CNTNAP2: variants seen among roughly 807,000 people sequenced by gnomAD.
CNTNAP2 encodes the protein contactin-associated protein-like 2.
CNTNAP2 carries 98 observed loss-of-function variants against 155.2 expected under a neutral mutation model. The ratio of observed to expected loss-of-function variants is 0.63; its 90% confidence interval spans 0.54 to 0.75. The LOEUF is 0.75. Among genes scored for constraint, CNTNAP2 ranks in the 30% least tolerant of loss-of-function variants. The pLI is 0.00. For synonymous variants in CNTNAP2, 651 were observed against 631.2 expected (o/e 1.03, Z -0.47); for missense variants, 1,727 against 1,688.1 (o/e 1.02, Z -0.40).
At chr7:147,368,958 A>G (rs1796292618) in intron 9 of CNTNAP2, among the ~76,000 whole-genome samples, 1 of 152,228 alleles carries the variant, frequency 6.6e-6, no homozygotes, top group Non-Finnish European at 1.5e-5. Context: ...ATACATTAAA[A>G]TGCAAAACTT....
At chr7:148,294,921 T>C (rs1797255279) in intron 21 of CNTNAP2, among the ~76,000 whole-genome samples, 1 of 152,144 alleles carries the variant, frequency 6.6e-6, no homozygotes, top group African/African-American at 2.4e-5. Context: ...CAACCAGCAT[T>C]TATTTTGCAT....
intron 2 of CNTNAP2, among the ~76,000 whole-genome samples, chr7:146,834,326 C>G (rs1803574752): frequency 6.6e-6 from 1 of 152,160 alleles, no homozygotes; most frequent in South Asian, 2.1e-4. Flanking sequence ...TTCAGATTCT[C>G]TATTGTAATG....
intron 1 of CNTNAP2, among the ~76,000 whole-genome samples, chr7:146,380,724 A>G (rs1205875779): frequency 2.0e-5 from 3 of 150,894 alleles, no homozygotes; most frequent in East Asian, 1.9e-4. Flanking sequence ...GTATTTACAC[A>G]TAAGTACATA....
At chr7:147,476,719 G>T (rs1367289248) in intron 10 of CNTNAP2, among the ~76,000 whole-genome samples, 1 of 152,028 alleles carries the variant, frequency 6.6e-6, no homozygotes, top group African/African-American at 2.4e-5. Flanking sequence ...TTGAAGTCAG[G>T]AGTTCGAGAC....
At chr7:147,647,772 A>C (rs1795391345) in intron 13 of CNTNAP2, among the ~76,000 whole-genome samples, 1 of 152,272 alleles carries the variant, frequency 6.6e-6, no homozygotes, top group African/African-American at 2.4e-5. Flanking sequence ...AAAGGAACTG[A>C]AAAGTTATTA....
intron 21 of CNTNAP2, among the ~76,000 whole-genome samples, chr7:148,269,446 A>G (rs1796735736): frequency 6.6e-6 from 1 of 152,220 alleles, no homozygotes; most frequent in Non-Finnish European, 1.5e-5. Flanking sequence ...GTGAACAAGA[A>G]GAGACTTTGT....
At chr7:146,222,927 G>A (rs903304504) in intron 1 of CNTNAP2, among the ~76,000 whole-genome samples, 1 of 152,026 alleles carries the variant, frequency 6.6e-6, no homozygotes, top group Non-Finnish European at 1.5e-5. Context: ...CCAAAGTGCT[G>A]GGATTACAGG....
intron 11 of CNTNAP2, among the ~76,000 whole-genome samples, chr7:147,532,447 C>T (rs962506214): frequency 8.5e-5 from 13 of 152,196 alleles, no homozygotes; most frequent in African/African-American, 1.2e-4. Flanking sequence ...AGCCATTCAA[C>T]AAGTCTCTAG....
intron 1 of CNTNAP2, among the ~76,000 whole-genome samples, chr7:146,599,783 T>TAGATAGATAGAG (rs1554454027): frequency 6.6e-6 from 1 of 151,770 alleles, no homozygotes; most frequent in Admixed American, 6.6e-5. Flanking sequence ...GATAGATAGA[T>TAGATAGATAGAG]CTCTAGTTTT....
At chr7:147,378,538 G>A (rs1796480237) in intron 9 of CNTNAP2, among the ~76,000 whole-genome samples, 2 of 152,008 alleles carry the variant, frequency 1.3e-5, no homozygotes, top group African/African-American at 4.8e-5. Flanking sequence ...TCACTCATTT[G>A]TGGGAGCTAA....
chr7:147,282,897 C>T (rs1375591377), intron 8 of CNTNAP2, among the ~76,000 whole-genome samples: 2 of 151,738 alleles, frequency 1.3e-5, no homozygotes, highest in East Asian at 1.9e-4. Flanking sequence ...CACCCAGCCA[C>T]CATTAAGTTT....
At chr7:147,447,680 A>G (rs1797763081) in intron 10 of CNTNAP2, among the ~76,000 whole-genome samples, 1 of 152,162 alleles carries the variant, frequency 6.6e-6, no homozygotes, top group African/African-American at 2.4e-5. Flanking sequence ...TTGGGCTCCC[A>G]AAGTGCTGGG....
chr7:146,433,608 T>G (rs1796201811), intron 1 of CNTNAP2, among the ~76,000 whole-genome samples: 1 of 152,074 alleles, frequency 6.6e-6, no homozygotes, highest in African/African-American at 2.4e-5. Context: ...TATATCATAG[T>G]GGAGGAATGT....
intron 11 of CNTNAP2, among the ~76,000 whole-genome samples, chr7:147,506,214 G>C (rs12703925): frequency 0.45 from 68,647 of 151,902 alleles, 16,499 homozygotes; most frequent in African/African-American, 0.61. Context: ...TTGGCCAAAG[G>C]CTCGGGTCCT....
intron 10 of CNTNAP2, among the ~76,000 whole-genome samples, chr7:147,485,444 C>A (rs963659056): frequency 3.3e-5 from 5 of 152,114 alleles, no homozygotes; most frequent in Admixed American, 2.0e-4. Context: ...ACTTAGAAAT[C>A]TTTTCTTTCT....
intron 13 of CNTNAP2, among the ~76,000 whole-genome samples, chr7:147,746,710 C>T (rs957244414): frequency 2.0e-5 from 3 of 152,090 alleles, no homozygotes; most frequent in African/African-American, 7.2e-5. Context: ...CTGTGGTTAC[C>T]ACCCCAACCC....
intron 4 of CNTNAP2, among the ~76,000 whole-genome samples, chr7:147,099,237 G>C (rs1235040036): frequency 1.3e-5 from 2 of 152,134 alleles, no homozygotes; most frequent in African/African-American, 4.8e-5. Flanking sequence ...AAGAGAGAAA[G>C]CTGGATAAAG....
chr7:146,828,480 A>G (rs1399808305), intron 2 of CNTNAP2, among the ~76,000 whole-genome samples: 1 of 152,108 alleles, frequency 6.6e-6, no homozygotes, highest in Non-Finnish European at 1.5e-5. Context: ...TTTCATTTGA[A>G]TATCTCCAGT....
Position 147,690,855 on chromosome 7 carries a change from T to A in CNTNAP2, c.2098+51549T>A, listed in dbSNP as rs540177526. Among the ~76,000 whole-genome samples the A allele has an allele frequency of 4.6e-5, 7 of 152,166 alleles. No individual in the cohort carries two copies. The East Asian group carries it at 1.2e-3, about 25-fold the overall frequency. The stretch of plus-strand genomic sequence containing the variant: ...ATTCTCCACTGTACAGATGAAAAAA[T>A]TATATTGTATTTGCAATGTAATTAT... On this transcript the variant is annotated intron_variant, in intron 13 of 23. Transcript: ENST00000361727.
Sources: allele counts gnomAD v4.1 joint callset (sites outside exome capture counted in the v4.1 genomes callset), GRCh38; gene constraint gnomAD v4.1.1; transcripts MANE v1.5; gene names NCBI Gene and HGNC (gene_info 2026-07-23, HGNC 2026-07-21).